EYS: variants seen among roughly 807,000 people sequenced by gnomAD.
The protein encoded by EYS is EGF-like photoreceptor maintenance factor, also known as protein eyes shut homolog.
In EYS, 250 loss-of-function variants were observed where a neutral mutation model predicts 282.1. The observed-to-expected ratio is 0.89, with a 90% CI of 0.80 to 0.98. EYS has a LOEUF of 0.98. EYS is among the 50% of genes least tolerant of loss of function. The pLI, the probability that EYS is intolerant of heterozygous loss-of-function variation, is 0.00. For synonymous variants in EYS, 1,355 were observed against 1,282.9 expected, an observed-to-expected ratio of 1.06 and a Z score of -1.20; for missense variants, 4,016 against 3,709.0, an observed-to-expected ratio of 1.08 and a Z score of -2.15.
chr6:64,217,537 C>A (rs1484362216), intron 31 of EYS, among the ~76,000 whole-genome samples: 1 of 151,812 alleles, frequency 6.6e-6, no homozygotes, highest in African/African-American at 2.4e-5. Flanking sequence ...CCCCTGCCAC[C>A]CCCAAGAAAA....
intron 5 of EYS, among the ~76,000 whole-genome samples, chr6:65,468,489 AT>A (rs1765088553): frequency 6.6e-6 from 1 of 151,960 alleles, no homozygotes; most frequent in Non-Finnish European, 1.5e-5. Flanking sequence ...AAAGTTATTT[AT>A]TTATTTATTT....
At position 64,000,168 on chromosome 6, in the gene EYS, C is replaced by CTTTT. The variant is rs71551553; in HGVS notation, c.6726-989_6726-986dup. The stretch of plus-strand genomic sequence containing the variant: ...CTGAGGAGTTTCCCAAGACATGGGA[C>CTTTT]TTTTTTTTTTTTTTTTTTTTTTTTT... On this transcript the variant is annotated intron_variant, in intron 33 of 42. Transcript: ENST00000503581. Among the ~76,000 whole-genome samples, 175 of 42,720 alleles carry CTTTT rather than the reference C, an allele frequency of 4.1e-3. 54 individuals are homozygous for CTTTT. The highest frequency in any genetic ancestry group is 0.011 in the East Asian group (13 of 1,170). The allele number at this position is 42,720 out of a possible 152,430, so 28.0% of individuals were successfully genotyped here.
At chr6:65,020,634 C>T (rs971092339) in intron 13 of EYS, among the ~76,000 whole-genome samples, 11 of 152,176 alleles carry the variant, frequency 7.2e-5, no homozygotes, top group Non-Finnish European at 1.3e-4. Context: ...GACTGTGGCT[C>T]TCTTCTCACA....
At chr6:63,997,477 T>C (rs949206438) in intron 34 of EYS, among the ~76,000 whole-genome samples, 1 of 152,186 alleles carries the variant, frequency 6.6e-6, no homozygotes, top group African/African-American at 2.4e-5. Flanking sequence ...TGGGCTGAAC[T>C]TAAGGAGGCA....
chr6:65,260,898 ATTAT>A (rs1468162050), intron 12 of EYS, among the ~76,000 whole-genome samples: 2 of 152,086 alleles, frequency 1.3e-5, no homozygotes, highest in African/African-American at 4.8e-5. Context: ...ATCAAGATGA[ATTAT>A]TTGTTCTTTG....
intron 33 of EYS, among the ~76,000 whole-genome samples, chr6:64,054,193 A>C (rs1039112206): frequency 1.3e-5 from 2 of 152,168 alleles, no homozygotes; most frequent in African/African-American, 4.8e-5. Context: ...ATGAGATAAC[A>C]AAAAATCAAT....
At chr6:63,896,153 T>G (rs1773533155) in intron 35 of EYS, among the ~76,000 whole-genome samples, 1 of 152,202 alleles carries the variant, frequency 6.6e-6, no homozygotes, top group Non-Finnish European at 1.5e-5. Flanking sequence ...CGTATGATTT[T>G]CATAACTCCA....
intron 22 of EYS, among the ~76,000 whole-genome samples, chr6:64,807,011 T>C (rs1764450438): frequency 6.6e-6 from 1 of 152,122 alleles, no homozygotes; most frequent in Non-Finnish European, 1.5e-5. Context: ...AATTTCAACA[T>C]AGCTTTTACA....
intron 22 of EYS, among the ~76,000 whole-genome samples, chr6:64,788,950 TAA>T (rs1179250345): frequency 6.6e-6 from 1 of 152,168 alleles, no homozygotes. Context: ...CCAAAACCCG[TAA>T]GTCACCTCAA....
chr6:64,174,633 T>C (rs530827392), intron 31 of EYS, among the ~76,000 whole-genome samples: 1 of 151,892 alleles, frequency 6.6e-6, no homozygotes, highest in Admixed American at 6.6e-5. Context: ...ATTAGGGTAA[T>C]GTATACAACA....
intron 29 of EYS, among the ~76,000 whole-genome samples, chr6:64,385,124 C>A (rs1389342689): frequency 1.3e-5 from 2 of 152,126 alleles, no homozygotes; most frequent in African/African-American, 4.8e-5. Context: ...TTAGATAGAG[C>A]CTGCATGATA....
At chr6:63,830,909 A>G (rs1201016394) in intron 36 of EYS, among the ~76,000 whole-genome samples, 1 of 152,246 alleles carries the variant, frequency 6.6e-6, no homozygotes, top group African/African-American at 2.4e-5. Context: ...GGAGGCCAGT[A>G]TTCAACATTC....
chr6:64,005,226 C>T (rs746858841), intron 33 of EYS, among the ~76,000 whole-genome samples: 2 of 152,120 alleles, frequency 1.3e-5, no homozygotes. Context: ...TGATGTTGAA[C>T]TTTGTTTTAT....
rs1268988185 is a variant in EYS at position 64,262,626 on chromosome 6, G to T, written c.6192-31802C>A. ...CAACCCCCTGGTGAGCTTCCTTTTT[G>T]CTTTGCTGGCTTTTCTTTGGCTGTT... On this transcript the variant is annotated intron_variant, in intron 30 of 42. Transcript: ENST00000503581. 2.0e-5 allele frequency among the ~76,000 whole-genome samples: 3 copies of T among 151,802 alleles called. No homozygotes were observed. In the South Asian group the frequency reaches 6.2e-4, roughly 31 times the overall value.
At chr6:64,257,055 C>T (rs189752656) in intron 30 of EYS, among the ~76,000 whole-genome samples, 18 of 152,064 alleles carry the variant, frequency 1.2e-4, no homozygotes, top group Admixed American at 1.2e-3. Flanking sequence ...ACATTTCTTC[C>T]TTCAAAGCTA....
At chr6:63,974,591 C>G (rs1368627172) in intron 35 of EYS, among the ~76,000 whole-genome samples, 1 of 151,910 alleles carries the variant, frequency 6.6e-6, no homozygotes, top group African/African-American at 2.4e-5. Context: ...TTTCTTCCCC[C>G]TACTTGTTTG....
chr6:64,019,752 CA>C (rs1167282350), intron 33 of EYS, among the ~76,000 whole-genome samples: 1 of 150,326 alleles, frequency 6.7e-6, no homozygotes, highest in African/African-American at 2.4e-5. Flanking sequence ...AAATAAGAAG[CA>C]AAGGTTTGAA....
At chr6:65,295,067 T>A (rs1768624594) in intron 12 of EYS, among the ~76,000 whole-genome samples, 1 of 151,870 alleles carries the variant, frequency 6.6e-6, no homozygotes, top group Non-Finnish European at 1.5e-5. Flanking sequence ...GGGAAAATAT[T>A]TTTCATGTTA....
At chr6:63,839,943 G>T (rs1447772119) in intron 36 of EYS, among the ~76,000 whole-genome samples, 1 of 151,560 alleles carries the variant, frequency 6.6e-6, no homozygotes, top group East Asian at 1.9e-4. Flanking sequence ...GTTTTGGTTT[G>T]CATTTCCTTG....
Sources: gnomAD v4.1 joint callset for allele counts (sites outside exome capture counted in the v4.1 genomes callset) on GRCh38, gnomAD v4.1.1 for gene constraint, MANE v1.5 for transcripts, NCBI Gene and HGNC (gene_info 2026-07-23, HGNC 2026-07-21) for gene names.